Variants in TTC6 observed in about 807,000 individuals in gnomAD.
The protein encoded by TTC6 is tetratricopeptide repeat domain 6.
Under a neutral mutation model 210.4 loss-of-function variants are expected in TTC6, and 172 were observed. That is an observed-to-expected ratio of 0.82 (90% confidence interval 0.72 to 0.93). The LOEUF (loss-of-function observed/expected upper bound fraction) is 0.93, where lower values mean the gene tolerates loss of function less well. Among genes scored for constraint, TTC6 ranks in the 40% least tolerant of loss-of-function variants. TTC6 has a pLI of 0.00. For missense variants in TTC6, 2,414 were observed against 2,318.1 expected (o/e 1.04, Z -0.85); for synonymous variants, 804 against 819.6 (o/e 0.98, Z 0.32).
intron 1 of TTC6, among the ~76,000 whole-genome samples, chr14:37,674,866 C>A (rs1178058189): frequency 1.3e-5 from 2 of 152,052 alleles, no homozygotes; most frequent in Admixed American, 1.3e-4. Flanking sequence ...TTTTACATTA[C>A]ATGTCTTTTT....
intron 26 of TTC6, among the ~76,000 whole-genome samples, chr14:37,822,845 G>C (rs553451266): frequency 6.6e-6 from 1 of 152,164 alleles, no homozygotes; most frequent in African/African-American, 2.4e-5. Context: ...CCTGTGTGCA[G>C]ACTTTTCTGT....
At chr14:37,757,602 A>G (rs907089014) in intron 14 of TTC6, among the ~76,000 whole-genome samples, 1 of 151,938 alleles carries the variant, frequency 6.6e-6, no homozygotes, top group African/African-American at 2.4e-5. Flanking sequence ...CTAGAGATCC[A>G]TCTATTTGTT....
chr14:37,743,665 T>A (rs545109720), intron 10 of TTC6, among the ~76,000 whole-genome samples: 3 of 152,202 alleles, frequency 2.0e-5, no homozygotes, highest in African/African-American at 7.2e-5. Flanking sequence ...TCTGGAATAA[T>A]GAGAAGGGAT....
intron 14 of TTC6, among the ~76,000 whole-genome samples, chr14:37,782,492 T>C (rs544982829): frequency 3.9e-5 from 6 of 152,292 alleles, no homozygotes; most frequent in Admixed American, 1.3e-4. Context: ...CCTGAGACTT[T>C]GCTGAAGTTG....
At chr14:37,656,536 T>C (rs111970788) in intron 1 of TTC6, among the ~76,000 whole-genome samples, 5 of 149,774 alleles carry the variant, frequency 3.3e-5, no homozygotes, top group African/African-American at 9.9e-5. Context: ...TGTGTGTGTG[T>C]GTGTGCGTGT....
intron 1 of TTC6, among the ~76,000 whole-genome samples, chr14:37,672,821 A>ATTTTTTTTTTTTTTTTTTTTTTTTTTTTT (rs377117749): frequency 1.8e-4 from 23 of 128,982 alleles, no homozygotes; most frequent in African/African-American, 6.5e-4. Flanking sequence ...TGAATTCCTC[A>ATTTTTTTTTTTTTTTTTTTTTTTTTTTTT]TTTTTTTTTT....
intron 7 of TTC6, among the ~76,000 whole-genome samples, chr14:37,725,628 G>A (rs1055250388): frequency 6.6e-6 from 1 of 151,550 alleles, no homozygotes; most frequent in Non-Finnish European, 1.5e-5. Flanking sequence ...GGGATTACAG[G>A]GATGAGCCAC....
chr14:37,780,602 AGTATTCCATG>A (rs1177277333), intron 14 of TTC6, among the ~76,000 whole-genome samples: 2 of 152,094 alleles, frequency 1.3e-5, no homozygotes, highest in Non-Finnish European at 2.9e-5. Context: ...ATGGCTGTGT[AGTATTCCATG>A]GTATATATGT....
chr14:37,755,943 C>A (rs2139066223), intron 14 of TTC6, among the ~76,000 whole-genome samples: 1 of 152,192 alleles, frequency 6.6e-6, no homozygotes, highest in African/African-American at 2.4e-5. Context: ...TTACTTTGGG[C>A]AGTATGGCCA....
At chr14:37,646,624 T>C (rs2095702240) in intron 1 of TTC6, among the ~76,000 whole-genome samples, 4 of 152,162 alleles carry the variant, frequency 2.6e-5, no homozygotes, top group Admixed American at 2.6e-4. Flanking sequence ...ATTATATAGA[T>C]TGGCAATAAC....
chr14:37,808,535 A>G (rs1174923834), intron 23 of TTC6, among the ~76,000 whole-genome samples, 198 bp from the exon 26 acceptor site: 1 of 152,238 alleles, frequency 6.6e-6, no homozygotes, highest in Non-Finnish European at 1.5e-5. Context: ...AAGAGAAACT[A>G]TAATGATAAT....
At chr14:37,715,014 A>G (rs2095850303) in intron 6 of TTC6, among the ~76,000 whole-genome samples, 1 of 152,098 alleles carries the variant, frequency 6.6e-6, no homozygotes, top group African/African-American at 2.4e-5. Flanking sequence ...CTCGTATCTA[A>G]AAATAATAAC....
At chr14:37,767,018 C>A (rs2139145099) in intron 14 of TTC6, among the ~76,000 whole-genome samples, 1 of 152,176 alleles carries the variant, frequency 6.6e-6, no homozygotes, top group Non-Finnish European at 1.5e-5. Context: ...TCTCATTGTT[C>A]AATTCCCACC....
At chr14:37,631,286 G>A (rs2095669511) in intron 1 of TTC6, among the ~76,000 whole-genome samples, 1 of 152,096 alleles carries the variant, frequency 6.6e-6, no homozygotes, top group African/African-American at 2.4e-5. Flanking sequence ...TCCTTCAGGA[G>A]CTCTAGTAAG....
intron 24 of TTC6, 110 bp downstream of exon 26, chr14:37,808,956 G>C (rs1457486660): frequency 5.2e-6 from 3 of 577,678 alleles, no homozygotes; most frequent in African/African-American, 3.9e-5. Context: ...ATATGTTAAA[G>C]CATTTGTAAA....
intron 14 of TTC6, among the ~76,000 whole-genome samples, chr14:37,779,678 A>C (rs1056046828): frequency 2.0e-5 from 3 of 152,158 alleles, no homozygotes; most frequent in Admixed American, 6.5e-5. Flanking sequence ...GAGAGGGCAA[A>C]ATTTTTTGAA....
intron 1 of TTC6, among the ~76,000 whole-genome samples, chr14:37,659,949 G>A (rs779081053): frequency 9.9e-5 from 15 of 152,222 alleles, no homozygotes; most frequent in East Asian, 3.9e-4. Context: ...TAATAGAGCC[G>A]TTTGCTTTTT....
chr14:37,694,939 G>A (rs1049420126), intron 3 of TTC6, among the ~76,000 whole-genome samples: 1 of 150,540 alleles, frequency 6.6e-6, no homozygotes, highest in African/African-American at 2.4e-5. Flanking sequence ...TACTTGGGAT[G>A]CTGAGGTAAG....
exon 5 of TTC6, chr14:37,701,379 C>A: frequency 6.6e-7 from 1 of 1,523,780 alleles, no homozygotes; most frequent in Non-Finnish European, 8.8e-7. Context: ...CTGTGCACCA[C>A]CATCCCAGCC....
Sources: gnomAD v4.1 joint callset for allele counts (sites outside exome capture counted in the v4.1 genomes callset) on GRCh38, gnomAD v4.1.1 for gene constraint, MANE v1.5 for transcripts, NCBI Gene and HGNC (gene_info 2026-07-23, HGNC 2026-07-21) for gene names.